Variants in SAMD12 observed in about 807,000 individuals in gnomAD.
SAMD12 encodes sterile alpha motif domain containing 12.
In SAMD12, 9 loss-of-function variants were observed where a neutral mutation model predicts 15.0. The ratio of observed to expected loss-of-function variants is 0.60; its 90% CI spans 0.36 to 1.05. The LOEUF (loss-of-function observed/expected upper bound fraction) is 1.05. SAMD12 is among the 50% of genes least tolerant of loss of function. The pLI, the probability that SAMD12 is intolerant of heterozygous loss-of-function variation, is 0.01. For synonymous variants in SAMD12, 86 were observed against 90.1 expected, an observed-to-expected ratio of 0.96 and a Z score of 0.25; for missense variants, 230 against 234.2, an observed-to-expected ratio of 0.98 and a Z score of 0.12.
intron 2 of SAMD12, among the ~76,000 whole-genome samples, chr8:118,512,154 G>A (rs1254753725): frequency 6.6e-6 from 1 of 152,140 alleles, no homozygotes; most frequent in African/African-American, 2.4e-5. Context: ...TATTAATTGG[G>A]CCAGTGAATA....
intron 4 of SAMD12, among the ~76,000 whole-genome samples, chr8:118,236,841 C>T (rs28370833): frequency 0.013 from 1,999 of 152,278 alleles, 60 homozygotes; most frequent in African/African-American, 0.046. Context: ...CAGCACGGCA[C>T]TATTAAGGAG....
the SAMD12 span, among the ~76,000 whole-genome samples, chr8:118,133,239 G>A: frequency 6.6e-6 from 1 of 151,500 alleles, no homozygotes; most frequent in Non-Finnish European, 1.5e-5. Context: ...CATGTAGAAG[G>A]CATTCAATAA....
chr8:118,292,873 G>C (rs887903923), intron 4 of SAMD12, among the ~76,000 whole-genome samples: 8 of 143,074 alleles, frequency 5.6e-5, no homozygotes, highest in Non-Finnish European at 1.2e-4. Context: ...GACACAGGAA[G>C]GGGAATATCA....
intron 2 of SAMD12, among the ~76,000 whole-genome samples, chr8:118,542,794 C>T (rs1826021216): frequency 6.6e-6 from 1 of 152,130 alleles, no homozygotes; most frequent in South Asian, 2.1e-4. Context: ...ACAAAAGAAT[C>T]TTGTGCATGT....
chr8:118,213,595 AAAT>A (rs1194112287), intron 4 of SAMD12, among the ~76,000 whole-genome samples: 1 of 152,230 alleles, frequency 6.6e-6, no homozygotes, highest in African/African-American at 2.4e-5. Flanking sequence ...AATCATGAGC[AAAT>A]AATAATTGTT....
chr8:118,316,816 G>GT (rs35418863), intron 4 of SAMD12, among the ~76,000 whole-genome samples: 3,152 of 117,876 alleles, frequency 0.027, 57 homozygotes, highest in Middle Eastern at 0.037. Context: ...TTAAAAAAAA[G>GT]TTTTTTTTTT....
chr8:118,335,910 C>A (rs1163260163), intron 4 of SAMD12, among the ~76,000 whole-genome samples: 1 of 152,038 alleles, frequency 6.6e-6, no homozygotes, highest in Non-Finnish European at 1.5e-5. Context: ...AAGTTTTGTA[C>A]TTTTTATAAA....
chr8:118,437,379 C>T (rs188779877), intron 3 of SAMD12, among the ~76,000 whole-genome samples: 9 of 152,222 alleles, frequency 5.9e-5, no homozygotes, highest in Admixed American at 3.3e-4. Flanking sequence ...CAAGTAATTC[C>T]CTGCTTTCTT....
At chr8:118,354,279 A>G (rs1818111301) in intron 4 of SAMD12, among the ~76,000 whole-genome samples, 1 of 152,238 alleles carries the variant, frequency 6.6e-6, no homozygotes, top group South Asian at 2.1e-4. Context: ...TGGTGCTAGT[A>G]AAATACAACA....
chr8:118,551,204 C>T (rs1170115893), intron 2 of SAMD12, among the ~76,000 whole-genome samples: 1 of 152,160 alleles, frequency 6.6e-6, no homozygotes, highest in Non-Finnish European at 1.5e-5. Context: ...ACTCTCCACC[C>T]CAAATCAAGA....
intron 2 of SAMD12, among the ~76,000 whole-genome samples, chr8:118,559,914 A>G (rs566389996): frequency 3.1e-4 from 47 of 152,264 alleles, no homozygotes; most frequent in Non-Finnish European, 5.6e-4. Context: ...TTAAAAATAC[A>G]CATTTAAAAA....
chr8:118,549,508 A>G (rs1826252184), intron 2 of SAMD12, among the ~76,000 whole-genome samples: 1 of 152,240 alleles, frequency 6.6e-6, no homozygotes, highest in Non-Finnish European at 1.5e-5. Flanking sequence ...CAGAAAGGAC[A>G]TCCACACCAA....
chr8:118,402,415 A>C (rs1391833212), intron 3 of SAMD12, among the ~76,000 whole-genome samples: 1 of 152,238 alleles, frequency 6.6e-6, no homozygotes, highest in South Asian at 2.1e-4. Context: ...AGATGGAGAA[A>C]TAACACTGAA....
intron 4 of SAMD12, among the ~76,000 whole-genome samples, chr8:118,342,569 G>A (rs1424852304): frequency 6.6e-6 from 1 of 152,172 alleles, no homozygotes; most frequent in Non-Finnish European, 1.5e-5. Context: ...GAACTTGACT[G>A]AGAACTAGAA....
chr8:118,152,450 CCCTCCCTACCTTCCTTCCTT>C, the SAMD12 span, among the ~76,000 whole-genome samples: 4 of 106,472 alleles, frequency 3.8e-5, no homozygotes, highest in Non-Finnish European at 8.2e-5. Flanking sequence ...CTTCCTCCCT[CCCTCCCTACCTTCCTTCCTT>C]CCTTCCTTCC....
At chr8:118,451,554 CAAA>C (rs1314528894) in intron 2 of SAMD12, among the ~76,000 whole-genome samples, 6,375 of 152,234 alleles carry the variant, frequency 0.042, 332 homozygotes, top group African/African-American at 0.13. Flanking sequence ...AAGATCAAAT[CAAA>C]TAATCAAAAG....
At chr8:118,248,049 G>A (rs761124067) in intron 4 of SAMD12, among the ~76,000 whole-genome samples, 1 of 152,076 alleles carries the variant, frequency 6.6e-6, no homozygotes, top group Non-Finnish European at 1.5e-5. Flanking sequence ...TGCTCTCAGA[G>A]TTCACTGTTA....
At chr8:118,387,800 GTCT>G (rs1462421118) in intron 3 of SAMD12, among the ~76,000 whole-genome samples, 1 of 152,254 alleles carries the variant, frequency 6.6e-6, no homozygotes, top group African/African-American at 2.4e-5. Flanking sequence ...TCAGGAAAAC[GTCT>G]TCATCTCTGA....
chr8:118,449,641 T>C (rs1396034627), intron 2 of SAMD12, among the ~76,000 whole-genome samples: 2 of 150,424 alleles, frequency 1.3e-5, no homozygotes, highest in African/African-American at 4.9e-5. Flanking sequence ...CTACTAAAAA[T>C]ACAAAAAATT....
Sources: gnomAD v4.1 joint callset for allele counts (sites outside exome capture counted in the v4.1 genomes callset) on GRCh38, gnomAD v4.1.1 for gene constraint, MANE v1.5 for transcripts, NCBI Gene and HGNC (gene_info 2026-07-23, HGNC 2026-07-21) for gene names.